MMD: variants seen among roughly 807,000 people sequenced by gnomAD.
MMD encodes the protein monocyte to macrophage differentiation factor.
In MMD, 22 loss-of-function variants were observed where a neutral mutation model predicts 33.6. The ratio of observed to expected loss-of-function variants is 0.66; its 90% CI spans 0.47 to 0.94. The LOEUF is 0.94. MMD is among the 40% of genes least tolerant of loss of function. The pLI is 0.00. For missense variants in MMD, 242 were observed against 309.8 expected, an observed-to-expected ratio of 0.78 and a Z score of 1.64; for synonymous variants, 97 against 103.2, an observed-to-expected ratio of 0.94 and a Z score of 0.36.
chr17:55,409,713 G>A (rs1907688812), intron 3 of MMD, among the ~76,000 whole-genome samples: 1 of 152,186 alleles, frequency 6.6e-6, no homozygotes, highest in African/African-American at 2.4e-5. Flanking sequence ...CAAAGTTAAA[G>A]AGAATCTAGT....
intron 3 of MMD, among the ~76,000 whole-genome samples, chr17:55,410,090 CAG>C (rs1162626378): frequency 6.6e-6 from 1 of 152,138 alleles, no homozygotes; most frequent in Non-Finnish European, 1.5e-5. Context: ...GACTTGGAGT[CAG>C]AGGTCTTGGA....
chr17:55,413,090 T>C (rs1359211300), intron 2 of MMD, among the ~76,000 whole-genome samples: 1 of 152,194 alleles, frequency 6.6e-6, no homozygotes, highest in Non-Finnish European at 1.5e-5. Flanking sequence ...AAGTGTTCCT[T>C]AACCTGTGAC....
At chr17:55,421,602 G>T in intron 1 of MMD, 68 bp downstream of exon 1, 4 of 1,584,322 alleles carry the variant, frequency 2.5e-6, no homozygotes, top group Admixed American at 3.5e-5. Context: ...GGAGCCGTGC[G>T]CTTAACGGCG....
intron 5 of MMD, among the ~76,000 whole-genome samples, chr17:55,402,087 CAAAAA>C (rs55724383): frequency 1.1e-5 from 1 of 92,048 alleles, no homozygotes; most frequent in African/African-American, 4.3e-5. Context: ...GACTCAGTCT[CAAAAA>C]AAAAAAAAAA....
In MMD at chr17:55,394,240, T is replaced by C. The variant is rs1907017835; in HGVS notation, c.*94A>G. Reference sequence around the variant, plus strand: ...AAAAGATATAAAGTCAGTGCAGTTATTTTTTTTCTTTCCCTGTGCAATGTT... The same window carrying C: ...AAAAGATATAAAGTCAGTGCAGTTACTTTTTTTCTTTCCCTGTGCAATGTT... On this transcript the variant is annotated 3_prime_UTR_variant, in exon 7 of 7. Coordinates refer to ENST00000262065, the MANE Select transcript of MMD (RefSeq NM_012329.3). 7.8e-6 allele frequency: 7 copies of C among 892,600 alleles called. No individual in the cohort carries two copies. Among genetic ancestry groups the C allele is most frequent in the Middle Eastern group, 3.7e-4 (1 of 2,730 alleles). 55.3% of individuals were successfully genotyped at this position (892,600 alleles called of 1,614,324 possible).
At chr17:55,401,418 A>C in intron 6 of MMD, 51 bp downstream of exon 6, 1 of 1,448,722 alleles carries the variant, frequency 6.9e-7, no homozygotes, top group Non-Finnish European at 9.5e-7. Context: ...AATCATGTTA[A>C]GTTCCAGCAG....
chr17:55,402,757 A>C (rs1165860575), intron 5 of MMD, among the ~76,000 whole-genome samples: 4 of 152,228 alleles, frequency 2.6e-5, no homozygotes, highest in Non-Finnish European at 4.4e-5. Context: ...TGAGTCCAAG[A>C]AGCAAACCAT....
chr17:55,403,357 C>A (rs1239131816), intron 5 of MMD, among the ~76,000 whole-genome samples: 1 of 152,104 alleles, frequency 6.6e-6, no homozygotes, highest in African/African-American at 2.4e-5. Context: ...TTTTGGAATA[C>A]CCTCTAGGCC....
intron 1 of MMD, among the ~76,000 whole-genome samples, chr17:55,417,563 G>A (rs1027220311): frequency 6.6e-5 from 10 of 152,090 alleles, no homozygotes; most frequent in Non-Finnish European, 1.2e-4. Context: ...GAGCTGAGGC[G>A]GGAGGTTGCT....
chr17:55,413,027 T>C (rs923890430), intron 2 of MMD, among the ~76,000 whole-genome samples: 1 of 152,160 alleles, frequency 6.6e-6, no homozygotes, highest in African/African-American at 2.4e-5. Flanking sequence ...TTTTCTGTTC[T>C]AAAAAAATTA....
intron 1 of MMD, among the ~76,000 whole-genome samples, chr17:55,419,203 A>C (rs922547567): frequency 6.6e-6 from 1 of 152,260 alleles, no homozygotes; most frequent in African/African-American, 2.4e-5. Flanking sequence ...AGTAATATAC[A>C]AGTGCCCAGC....
Position 55,421,663 on chromosome 17 carries a change from C to T in MMD, c.26+7G>A, listed in dbSNP as rs1415409717. On this transcript the variant is annotated splice_region_variant and intron_variant, in intron 1 of 6. Coordinates refer to ENST00000262065, the MANE Select transcript of MMD (RefSeq NM_012329.3). ...GGGCAGCGGGACCGGGACGCCATCC[C>T]TCTCACCGCTGGAATCGATTCTTGA... 1.3e-6 allele frequency: 2 copies of T among 1,599,036 alleles called. No individual in the cohort carries two copies. Among genetic ancestry groups the T allele is most frequent in the Admixed American group, 1.7e-5 (1 of 57,714 alleles).
At chr17:55,417,763 C>A (rs1345218244) in intron 1 of MMD, among the ~76,000 whole-genome samples, 1 of 152,170 alleles carries the variant, frequency 6.6e-6, no homozygotes, top group Admixed American at 6.5e-5. Flanking sequence ...GGCACCACTG[C>A]ACTCCAGTCT....
At chr17:55,414,357 G>T in intron 1 of MMD, 125 bp from the exon 2 acceptor site, 1 of 850,388 alleles carries the variant, frequency 1.2e-6, no homozygotes, top group Non-Finnish European at 1.9e-6. Context: ...ACCCAGTTGC[G>T]GTAATAAAGC....
At chr17:55,413,028 A>C (rs1907822159) in intron 2 of MMD, among the ~76,000 whole-genome samples, 1 of 152,168 alleles carries the variant, frequency 6.6e-6, no homozygotes. Flanking sequence ...TTTCTGTTCT[A>C]AAAAAATTAA....
chr17:55,401,941 C>T (rs1907346587), intron 5 of MMD, among the ~76,000 whole-genome samples: 1 of 151,768 alleles, frequency 6.6e-6, no homozygotes, highest in South Asian at 2.1e-4. Flanking sequence ...GCGTGGCGAG[C>T]GCCTGTAGTC....
At chr17:55,405,594 A>G (rs1598431882) in intron 4 of MMD, among the ~76,000 whole-genome samples, 2 of 152,294 alleles carry the variant, frequency 1.3e-5, no homozygotes, top group African/African-American at 4.8e-5. Context: ...TAAAATAACT[A>G]AGTAAGGAAT....
At chr17:55,395,036 T>A (rs560880174) in intron 6 of MMD, among the ~76,000 whole-genome samples, 1 of 152,348 alleles carries the variant, frequency 6.6e-6, no homozygotes, top group East Asian at 1.9e-4. Context: ...AGCTTATAGA[T>A]TCCTTAAGGC....
intron 6 of MMD, among the ~76,000 whole-genome samples, chr17:55,400,866 T>C (rs1907300631): frequency 1.3e-5 from 2 of 151,942 alleles, no homozygotes; most frequent in African/African-American, 4.8e-5. Context: ...TTACAGGTAA[T>C]GTTACACTTT....
Sources: gnomAD v4.1 joint callset for allele counts (sites outside exome capture counted in the v4.1 genomes callset) on GRCh38, gnomAD v4.1.1 for gene constraint, MANE v1.5 for transcripts, NCBI Gene and HGNC (gene_info 2026-07-23, HGNC 2026-07-21) for gene names.